Variants in PIK3CD observed in about 807,000 individuals in gnomAD.
The protein encoded by PIK3CD is phosphatidylinositol-4,5-bisphosphate 3-kinase catalytic subunit delta, also known as phosphatidylinositol 4,5-bisphosphate 3-kinase catalytic subunit delta isoform.
Under a neutral mutation model 122.9 loss-of-function variants are expected in PIK3CD, and 20 were observed. That is an observed-to-expected ratio of 0.16 (90% CI 0.11 to 0.24). The LOEUF (loss-of-function observed/expected upper bound fraction) is 0.24. Ranked by LOEUF, PIK3CD falls within the 10% of genes least tolerant of loss-of-function variation. The pLI, the probability that PIK3CD is intolerant of heterozygous loss-of-function variation, is 1.00. For missense variants in PIK3CD, 787 were observed against 1,406.3 expected, an observed-to-expected ratio of 0.56 and a Z score of 7.04; for synonymous variants, 596 against 593.4, an observed-to-expected ratio of 1.00 and a Z score of -0.06.
chr1:9,650,816 TA>T (rs1448297344), upstream of PIK3CD, among the ~76,000 whole-genome samples: 1 of 151,222 alleles, frequency 6.6e-6, no homozygotes, highest in Non-Finnish European at 1.5e-5. Flanking sequence ...CTCCGCCTGA[TA>T]CTAATACTTT....
chr1:9,627,538 GCT>G, the PIK3CD span, among the ~76,000 whole-genome samples: 12 of 152,384 alleles, frequency 7.9e-5, no homozygotes, highest in Admixed American at 7.2e-4. Flanking sequence ...TCACAGGGCG[GCT>G]GTAAGGATTA....
intron 2 of PIK3CD, among the ~76,000 whole-genome samples, chr1:9,696,484 G>GC (rs891937553): frequency 6.6e-6 from 1 of 151,576 alleles, no homozygotes; most frequent in Non-Finnish European, 1.5e-5. Context: ...AGGTATGGTG[G>GC]CCCACACCTG....
the PIK3CD span, among the ~76,000 whole-genome samples, chr1:9,628,923 G>A: frequency 1.3e-5 from 2 of 151,962 alleles, no homozygotes. Context: ...TGGGCGGTGG[G>A]AACTCCATGG....
intron 1 of PIK3CD, among the ~76,000 whole-genome samples, chr1:9,672,157 A>G (rs1199737598): frequency 6.6e-6 from 1 of 152,178 alleles, no homozygotes; most frequent in Admixed American, 6.5e-5. Context: ...GCCCACCCCA[A>G]CTGCGACCTC....
chr1:9,673,708 T>G (rs1046072699), intron 1 of PIK3CD, among the ~76,000 whole-genome samples: 12 of 152,128 alleles, frequency 7.9e-5, no homozygotes, highest in Non-Finnish European at 1.6e-4. Flanking sequence ...CGGCCTTCCT[T>G]CTACATTTTA....
chr1:9,660,101 C>T (rs571439587), intron 1 of PIK3CD, among the ~76,000 whole-genome samples: 106 of 152,308 alleles, frequency 7.0e-4, no homozygotes, highest in Middle Eastern at 3.4e-3. Flanking sequence ...TTTCAGCAGA[C>T]GGGCTTTCAC....
the PIK3CD span, among the ~76,000 whole-genome samples, chr1:9,635,948 C>T: frequency 2.0e-5 from 3 of 152,170 alleles, no homozygotes; most frequent in South Asian, 6.2e-4. Context: ...CATCCAAGGT[C>T]CTGGTATGAG....
At chr1:9,680,031 G>T (rs1339799285) in intron 1 of PIK3CD, among the ~76,000 whole-genome samples, 1 of 152,094 alleles carries the variant, frequency 6.6e-6, no homozygotes, top group Non-Finnish European at 1.5e-5. Context: ...CACCATGTTG[G>T]CCAGCCTGGT....
intron 5 of PIK3CD, 153 bp from the exon 6 acceptor site, chr1:9,716,287 C>T (rs895313365): frequency 1.2e-6 from 1 of 841,368 alleles, no homozygotes. Flanking sequence ...GGGCATTGGG[C>T]ATCAGTTTGT....
At chr1:9,655,439 A>ACCCCCCCCCCCCCC (rs756424437) in intron 1 of PIK3CD, among the ~76,000 whole-genome samples, 1 of 91,204 alleles carries the variant, frequency 1.1e-5, no homozygotes, top group Non-Finnish European at 2.3e-5. Flanking sequence ...AAACCCAGGA[A>ACCCCCCCCCCCCCC]CCCCCCGCCC....
rs1646118501 is a variant in PIK3CD, at chr1:9,689,623, G to A, written c.-137-1844G>A. On this transcript the variant is annotated intron_variant, in intron 1 of 23. Transcript: ENST00000377346. The surrounding 1 kb of genome is among the most constrained non-coding windows in gnomAD (Gnocchi z 6.1). ...CCCCGCCGGCCCCGCGCCGCTGCCC[G>A]GAGGCTGGCGTCTTCCCGTCACTCC... Among the ~76,000 whole-genome samples, 1 of 151,212 alleles carries A rather than the reference G, an allele frequency of 6.6e-6. No homozygotes were observed. Among genetic ancestry groups the A allele is most frequent in the Non-Finnish European group, 1.5e-5 (1 of 67,646 alleles).
the PIK3CD span, among the ~76,000 whole-genome samples, chr1:9,639,084 C>T: frequency 1.3e-5 from 2 of 152,038 alleles, no homozygotes; most frequent in East Asian, 1.9e-4. Flanking sequence ...AGGATTTGGA[C>T]GTATCTTTTT....
chr1:9,694,806 T>C (rs1646339457), intron 2 of PIK3CD, among the ~76,000 whole-genome samples: 1 of 151,706 alleles, frequency 6.6e-6, no homozygotes, highest in Non-Finnish European at 1.5e-5. Context: ...CTACATAAAA[T>C]AAAAAACAAG....
chr1:9,711,620 C>G (rs1365915947), intron 3 of PIK3CD, among the ~76,000 whole-genome samples: 1 of 152,046 alleles, frequency 6.6e-6, no homozygotes, highest in Non-Finnish European at 1.5e-5. Flanking sequence ...GTTGCCCAGC[C>G]TGGAGTGCAG....
intron 23 of PIK3CD, among the ~76,000 whole-genome samples, chr1:9,725,910 A>G (rs931893334): frequency 6.6e-6 from 1 of 151,760 alleles, no homozygotes. Flanking sequence ...ATAAACATAA[A>G]TAAAAGATAT....
At chr1:9,675,920 A>G (rs1277809652) in intron 1 of PIK3CD, among the ~76,000 whole-genome samples, 1 of 145,768 alleles carries the variant, frequency 6.9e-6, no homozygotes, top group Non-Finnish European at 1.5e-5. Flanking sequence ...GTGCACCGCC[A>G]CACCAAGCTA....
intron 2 of PIK3CD, among the ~76,000 whole-genome samples, chr1:9,696,854 G>C (rs1646436592): frequency 6.6e-6 from 1 of 151,586 alleles, no homozygotes; most frequent in Non-Finnish European, 1.5e-5. Flanking sequence ...ACAGCACTTT[G>C]GGAAGCCAAG....
the PIK3CD span, among the ~76,000 whole-genome samples, chr1:9,645,703 T>G: frequency 1.3e-5 from 2 of 151,504 alleles, no homozygotes; most frequent in Non-Finnish European, 2.9e-5. Context: ...CTTCCTGAGT[T>G]TAAGCAATTC....
chr1:9,669,449 A>T (rs889483387), intron 1 of PIK3CD, among the ~76,000 whole-genome samples: 26 of 152,272 alleles, frequency 1.7e-4, no homozygotes, highest in African/African-American at 6.0e-4. Context: ...GCCCAAGACG[A>T]TTGGGTTACA....
Sources: allele counts gnomAD v4.1 joint callset (sites outside exome capture counted in the v4.1 genomes callset), GRCh38; gene constraint gnomAD v4.1.1; non-coding constraint Gnocchi (gnomAD v3.1); transcripts MANE v1.5; gene names NCBI Gene and HGNC (gene_info 2026-07-23, HGNC 2026-07-21).